Variants in POR observed in about 807,000 individuals in gnomAD.
The protein encoded by POR is cytochrome p450 oxidoreductase.
A neutral mutation model predicts 84.0 loss-of-function variants in POR; 56 were observed. The ratio of observed to expected loss-of-function variants is 0.67; its 90% CI spans 0.54 to 0.83. POR has a LOEUF of 0.83. Ranked by LOEUF, POR falls within the 40% of genes least tolerant of loss-of-function variation. The pLI is 0.00. For missense variants in POR, 938 were observed against 944.3 expected (o/e 0.99, Z 0.09); for synonymous variants, 414 against 400.5 (o/e 1.03, Z -0.40).
chr7:75,967,067 C>T (rs1554555374), intron 2 of POR, among the ~76,000 whole-genome samples: 1 of 152,184 alleles, frequency 6.6e-6, no homozygotes, highest in East Asian at 1.9e-4. Context: ...CCTCAGCCTT[C>T]AGGCTCAAGT....
chr7:75,946,871 C>G (rs73363961), intron 1 of POR: 1 of 152,146 alleles, frequency 6.6e-6, no homozygotes, highest in African/African-American at 2.4e-5. Flanking sequence ...CTGCCTGACC[C>G]GGAAGAGAGT....
chr7:75,981,216 G>A, intron 6 of POR, 44 bp downstream of exon 6: 1 of 1,492,320 alleles, frequency 6.7e-7, no homozygotes, highest in Non-Finnish European at 9.0e-7. Flanking sequence ...GCGGGCTTAG[G>A]CAGGGGCCGT....
At chr7:75,960,264 C>T (rs1240350808) in intron 2 of POR, among the ~76,000 whole-genome samples, 1 of 151,794 alleles carries the variant, frequency 6.6e-6, no homozygotes, top group African/African-American at 2.4e-5. Flanking sequence ...GCACTCCAGC[C>T]TGGGCGACAG....
chr7:75,929,250 G>A (rs1240129279), intron 1 of POR, among the ~76,000 whole-genome samples: 14 of 152,116 alleles, frequency 9.2e-5, no homozygotes, highest in African/African-American at 3.4e-4. Flanking sequence ...ATGACCTAGA[G>A]TTGGTGCTCA....
At chr7:75,936,455 G>C (rs113778431) in intron 1 of POR, among the ~76,000 whole-genome samples, 2 of 152,080 alleles carry the variant, frequency 1.3e-5, no homozygotes, top group African/African-American at 4.8e-5. Context: ...GCCACTTTCT[G>C]AGTGTTGCAG....
rs373003157 is a variant in POR, at chr7:75,952,883, A to T, written c.-4-1106A>T. 8.8e-5 allele frequency among the ~76,000 whole-genome samples: 12 copies of T among 136,298 alleles called. No individual in the cohort carries two copies. In the East Asian group the frequency reaches 2.6e-3, roughly 30 times the overall value. 89.4% of individuals were successfully genotyped at this position (136,298 alleles called of 152,430 possible). A position where few individuals can be genotyped will look rare whatever the true frequency, so the allele number is the denominator to read the frequency against. On this transcript the variant is annotated intron_variant, in intron 1 of 15. Transcript: ENST00000461988. ...GCTCCTAACATCCCAGACGATGGGCAGCCAGGCAGAGACGCTCCTCACTTC... is the reference window on the plus strand; with the variant it reads ...GCTCCTAACATCCCAGACGATGGGCTGCCAGGCAGAGACGCTCCTCACTTC...
intron 2 of POR, among the ~76,000 whole-genome samples, chr7:75,963,101 G>C (rs997477075): frequency 3.3e-5 from 5 of 152,178 alleles, no homozygotes; most frequent in Non-Finnish European, 2.9e-5. Context: ...CCAGCATCAC[G>C]TGTCTGTTTT....
chr7:75,923,934 G>C (rs564397729), intron 1 of POR, among the ~76,000 whole-genome samples: 7 of 152,004 alleles, frequency 4.6e-5, no homozygotes, highest in African/African-American at 1.7e-4. Flanking sequence ...TACGTTCATG[G>C]CGGCACCTCT....
intron 2 of POR, among the ~76,000 whole-genome samples, chr7:75,959,015 G>A (rs1787814449): frequency 6.6e-6 from 1 of 152,180 alleles, no homozygotes; most frequent in Non-Finnish European, 1.5e-5. Context: ...GGATCATGTT[G>A]ACGCTCAAAA....
At position 75,986,243 on chromosome 7, in the gene POR, TGA is replaced by T. The variant is rs1554559405; in HGVS notation, c.1898+4_1898+5del. On this transcript the variant is annotated splice_donor_region_variant and intron_variant, in intron 15 of 15. Transcript: ENST00000461988. ...CGGTGCCCACATCTACGTCTGTGGG[TGA>T]GTGAGTGGGGTCACTGGAATAGGGG... is the stretch of plus-strand genomic sequence containing the variant. 1 of 1,611,886 alleles carries T rather than the reference TGA, an allele frequency of 6.2e-7. No homozygotes were observed.
intron 1 of POR, among the ~76,000 whole-genome samples, chr7:75,947,677 G>A (rs183470510): frequency 1.3e-5 from 2 of 152,262 alleles, no homozygotes; most frequent in African/African-American, 4.8e-5. Flanking sequence ...TGCATTCACC[G>A]ATTCCCTTCA....
chr7:75,948,567 TAG>T (rs1787280327), intron 1 of POR, among the ~76,000 whole-genome samples: 1 of 152,088 alleles, frequency 6.6e-6, no homozygotes. Context: ...GAGGAGGGAA[TAG>T]AGTCAGCCTC....
intron 1 of POR, among the ~76,000 whole-genome samples, chr7:75,924,013 C>T (rs782303867): frequency 5.3e-5 from 8 of 152,108 alleles, no homozygotes; most frequent in Non-Finnish European, 1.0e-4. Context: ...TCTGAAATCA[C>T]ATTTTGTGGA....
At chr7:75,934,884 A>T (rs1554550608) in intron 1 of POR, among the ~76,000 whole-genome samples, 1 of 152,216 alleles carries the variant, frequency 6.6e-6, no homozygotes, top group African/African-American at 2.4e-5. Flanking sequence ...CCTAGATTTC[A>T]GAGGATGTAT....
At chr7:75,971,611 G>A (rs1342428442) in intron 2 of POR, among the ~76,000 whole-genome samples, 1 of 152,142 alleles carries the variant, frequency 6.6e-6, no homozygotes, top group Non-Finnish European at 1.5e-5. Flanking sequence ...CCCTCTGGAG[G>A]GGATGGACCA....
At chr7:75,976,945 G>A (rs1788724594) in intron 3 of POR, among the ~76,000 whole-genome samples, 1 of 152,020 alleles carries the variant, frequency 6.6e-6, no homozygotes, top group African/African-American at 2.4e-5. Flanking sequence ...CAACCTCCCA[G>A]GCTCAAGTGA....
At chr7:75,967,477 A>G (rs910914355) in intron 2 of POR, among the ~76,000 whole-genome samples, 2 of 152,008 alleles carry the variant, frequency 1.3e-5, no homozygotes, top group East Asian at 1.9e-4. Flanking sequence ...TTTGCCCGCA[A>G]TTCTTTTGTG....
intron 3 of POR, 35 bp from the exon 4 acceptor site, chr7:75,979,416 G>C: frequency 1.2e-6 from 2 of 1,607,332 alleles, no homozygotes; most frequent in Middle Eastern, 1.7e-4. Context: ...GCTGAGGTCT[G>C]TGGCCCTCAC....
At position 75,980,487 on chromosome 7, in the gene POR, C is replaced by T. The variant is rs374967948; in HGVS notation, c.515C>T (p.Ala172Val). ...GTGGATCTCTCTGGGGTCAAGTTCGCGGTGAGTCACCCAGAGACTGCTATG... is the reference window on the plus strand; with the variant it reads ...GTGGATCTCTCTGGGGTCAAGTTCGTGGTGAGTCACCCAGAGACTGCTATG... The change falls in exon 5 of 16, where the codon GCG becomes GTG. Residue 172 changes from alanine (A) to valine (V), a missense_variant and splice_region_variant. By Grantham distance (64) the Ala-to-Val change is moderately conservative (BLOSUM62 0). Transcript: ENST00000461988. 383 of 1,612,872 alleles carry T rather than the reference C, an allele frequency of 2.4e-4. No individual in the cohort carries two copies. The highest frequency in any genetic ancestry group is 3.0e-4 in the Non-Finnish European group (358 of 1,179,800).
Sources: gnomAD v4.1 joint callset for allele counts (sites outside exome capture counted in the v4.1 genomes callset) on GRCh38, gnomAD v4.1.1 for gene constraint, MANE v1.5 for transcripts, NCBI Gene and HGNC (gene_info 2026-07-23, HGNC 2026-07-21) for gene names.